Variants in DGCR8 observed in about 807,000 individuals in gnomAD.
The protein encoded by DGCR8 is DGCR8 microprocessor complex subunit.
In DGCR8, 14 loss-of-function variants were observed where a neutral mutation model predicts 78.5. That is an observed-to-expected ratio of 0.18 (90% CI 0.12 to 0.28). The LOEUF is 0.28. Ranked by LOEUF, DGCR8 falls within the 10% of genes least tolerant of loss-of-function variation. DGCR8 has a pLI of 1.00. For synonymous variants in DGCR8, 399 were observed against 402.4 expected (o/e 0.99, Z 0.10); for missense variants, 702 against 1,022.5 (o/e 0.69, Z 4.28).
Position 20,085,995 on chromosome 22 carries a change from C to T in DGCR8, c.32C>T (p.Pro11Leu), listed in dbSNP as rs61746264. 3.3e-4 allele frequency: 530 copies of T among 1,606,654 alleles called. No individual in the cohort carries two copies. The highest frequency in any genetic ancestry group is 4.3e-4 in the Non-Finnish European group (508 of 1,175,844). ...ACAGATGAGAGCCCCTCTCCGCTCC[C>T]GTGTGGGCCCGCAGGAGAAGCGGTG... METDESPSPL[P>L]CGPAGEAVME... The change falls in exon 2 of 14, where the codon CCG becomes CTG. Residue 11 changes from proline (P) to leucine (L), a missense_variant. Physicochemically the swap from Pro to Leu is moderately conservative, Grantham distance 98 (BLOSUM62 -3). This residue lies in a region of DGCR8 where 356 missense variants were observed against 448.9 expected (regional missense o/e 0.79). Coordinates refer to ENST00000351989, the MANE Select transcript of DGCR8 (RefSeq NM_022720.7). This position sits in a 1 kb window ranked among gnomAD's most constrained non-coding sequence, Gnocchi z 6.2.
intron 1 of DGCR8, among the ~76,000 whole-genome samples, chr22:20,083,382 A>T (rs1205184744): frequency 7.0e-6 from 1 of 142,630 alleles, no homozygotes; most frequent in African/African-American, 2.5e-5. Context: ...TGTGTGTGTG[A>T]TGAATGGAGA....
Position 20,110,820 on chromosome 22 carries a change from C to T in DGCR8, c.*712C>T, listed in dbSNP as rs2147946683. 1 of 186,588 alleles carries T rather than the reference C, an allele frequency of 5.4e-6. No individual in the cohort carries two copies. The highest frequency in any genetic ancestry group is 2.2e-3 in the Middle Eastern group (1 of 460). The allele number at this position is 186,588 out of a possible 1,614,324, so 11.6% of individuals were successfully genotyped here. ...CCCTGGCCTCCTAGGGTCCCTTTTTCTGATGAAGTCTTAATTCCCTAAAAG... is the reference window on the plus strand; with the variant it reads ...CCCTGGCCTCCTAGGGTCCCTTTTTTTGATGAAGTCTTAATTCCCTAAAAG... On this transcript the variant is annotated 3_prime_UTR_variant, in exon 14 of 14. Coordinates refer to ENST00000351989, the MANE Select transcript of DGCR8 (RefSeq NM_022720.7).
At chr22:20,107,543 G>T (rs1602497925) in intron 12 of DGCR8, 145 bp downstream of exon 12, 1 of 953,216 alleles carries the variant, frequency 1.0e-6, no homozygotes, top group Non-Finnish European at 1.6e-6. Flanking sequence ...GTGTGGCTTT[G>T]TGGGCAGGGG....
chr22:20,087,419 G>A lies in DGCR8; in HGVS notation c.880+98G>A, dbSNP rs2049499756. On this transcript the variant is annotated intron_variant, in intron 3 of 13. Coordinates refer to ENST00000351989, the MANE Select transcript of DGCR8 (RefSeq NM_022720.7). The surrounding 1 kb of genome is among the most constrained non-coding windows in gnomAD (Gnocchi z 4.1). ...TTTGAGAGAGCTCTGGTGCCAGGTA[G>A]TGGGCTGGGTGGAGGCATGTTTGAG... 2 of 1,380,226 alleles carry A rather than the reference G, an allele frequency of 1.4e-6. No individual in the cohort carries two copies. The highest frequency in any genetic ancestry group is 2.0e-6 in the Non-Finnish European group (2 of 1,021,706). The allele number at this position is 1,380,226 out of a possible 1,614,324, so 85.5% of individuals were successfully genotyped here.
chr22:20,101,127 G>T (rs1276507627), intron 9 of DGCR8: 8 of 895,534 alleles, frequency 8.9e-6, no homozygotes, highest in South Asian at 5.1e-5. Flanking sequence ...AATCACAAAA[G>T]ACAAACCTAG....
chr22:20,107,500 G>C (rs2147941932), intron 12 of DGCR8, 102 bp downstream of exon 12: 1 of 1,441,068 alleles, frequency 6.9e-7, no homozygotes, highest in African/African-American at 1.4e-5. Context: ...CAGCTCTGCT[G>C]TTGCTCACAG....
chr22:20,110,287 C>A lies in DGCR8; in HGVS notation c.*179C>A. 1.7e-6 allele frequency: 1 copy of A among 604,668 alleles called. No homozygotes were observed. The highest frequency in any genetic ancestry group is 2.9e-6 in the Non-Finnish European group (1 of 347,044). The allele number at this position is 604,668 out of a possible 1,614,324, so 37.5% of individuals were successfully genotyped here. ...TACAGGGACAGCCATGGCCACACAG[C>A]ACACATGTGGAGCAGCGGCTCTCCC... On this transcript the variant is annotated 3_prime_UTR_variant, in exon 14 of 14. Coordinates refer to ENST00000351989, the MANE Select transcript of DGCR8 (RefSeq NM_022720.7).
intron 1 of DGCR8, among the ~76,000 whole-genome samples, chr22:20,083,499 C>T (rs2147912235): frequency 6.6e-6 from 1 of 152,130 alleles, no homozygotes; most frequent in African/African-American, 2.4e-5. Flanking sequence ...TTGTAAGGCA[C>T]CAGGCTTTCC....
At chr22:20,080,948 T>C (rs1474428604) in intron 1 of DGCR8, among the ~76,000 whole-genome samples, 1 of 152,240 alleles carries the variant, frequency 6.6e-6, no homozygotes, top group Non-Finnish European at 1.5e-5. Flanking sequence ...TTTTGCATGC[T>C]TGCATGTACC....
chr22:20,110,166 C>T lies in DGCR8; in HGVS notation c.*58C>T. 1 of 1,540,784 alleles carries T rather than the reference C, an allele frequency of 6.5e-7. No homozygotes were observed. The highest frequency in any genetic ancestry group is 8.9e-7 in the Non-Finnish European group (1 of 1,127,652). ...CCAGCCGCACTTCTGAGGAGACCAG[C>T]AGTCATGCATCGTGCACCACAGTGT... On this transcript the variant is annotated 3_prime_UTR_variant, in exon 14 of 14. Coordinates refer to ENST00000351989, the MANE Select transcript of DGCR8 (RefSeq NM_022720.7).
At chr22:20,084,565 C>T (rs1351895988) in intron 1 of DGCR8, among the ~76,000 whole-genome samples, 2 of 152,212 alleles carry the variant, frequency 1.3e-5, no homozygotes, top group African/African-American at 2.4e-5. Context: ...CTCCTCAGTG[C>T]GTCCTGGCCT....
chr22:20,086,944 T>TA lies in DGCR8; in HGVS notation c.721-217dup, dbSNP rs2049492263. On this transcript the variant is annotated intron_variant, in intron 2 of 13. Transcript: ENST00000351989. This position sits in a 1 kb window ranked among gnomAD's most constrained non-coding sequence, Gnocchi z 6.4. ...CGTGGGGCAGCAGGTGCTGCTGAGT[T>TA]ACGCTCCTTGGCAGTGTGTGCCCCT... The TA allele has an allele frequency of 4.0e-6, 3 of 745,128 alleles. No homozygotes were observed. In the South Asian group the frequency reaches 5.8e-5, roughly 14 times the overall value. The allele number at this position is 745,128 out of a possible 1,614,324, so 46.2% of individuals were successfully genotyped here. A position where few individuals can be genotyped will look rare whatever the true frequency, so the allele number is the denominator to read the frequency against.
Position 20,110,929 on chromosome 22 carries a change from A to G in DGCR8, c.*821A>G, listed in dbSNP as rs573924110. ...ACAAAGATTTTTTGCAGTCGAGTCC[A>G]TATGTCCACCCATTGATTTTTAAAG... On this transcript the variant is annotated 3_prime_UTR_variant, in exon 14 of 14. Coordinates refer to ENST00000351989, the MANE Select transcript of DGCR8 (RefSeq NM_022720.7). 16 of 368,590 alleles carry G rather than the reference A, an allele frequency of 4.3e-5. No individual in the cohort carries two copies. The highest frequency in any genetic ancestry group is 1.5e-4 in the African/African-American group (7 of 48,194). The allele number at this position is 368,590 out of a possible 1,614,324, so 22.8% of individuals were successfully genotyped here.
chr22:20,091,420 G>A lies in DGCR8; in HGVS notation c.1307-15G>A, dbSNP rs538156782. The A allele has an allele frequency of 2.5e-6, 4 of 1,613,722 alleles. No homozygotes were observed. Among genetic ancestry groups the A allele is most frequent in the South Asian group, 2.2e-5 (2 of 91,072 alleles). ...GGAAGTTAAGTAATTTGTTTCTCTG[G>A]TAAATCTGGGACAGATCTCGAGGAA... is the stretch of plus-strand genomic sequence containing the variant. On this transcript the variant is annotated splice_polypyrimidine_tract_variant and intron_variant, in intron 5 of 13. Transcript: ENST00000351989.
At position 20,107,805 on chromosome 22, in the gene DGCR8, C is replaced by T. The variant is rs369747924; in HGVS notation, c.2124+407C>T. ...GGGTAGCTCTCCCTGGTACCAGTGC[C>T]GGTCCATCTCTAACAGAAGAGCATA... On this transcript the variant is annotated intron_variant, in intron 12 of 13. Transcript: ENST00000351989. 2.3e-4 allele frequency: 54 copies of T among 237,164 alleles called. 1 individual carries two copies. Among genetic ancestry groups the T allele is most frequent in the African/African-American group, 1.1e-3 (49 of 45,262 alleles). 14.7% of individuals were successfully genotyped at this position (237,164 alleles called of 1,614,324 possible). A position where few individuals can be genotyped will look rare whatever the true frequency, so the allele number is the denominator to read the frequency against.
In DGCR8 at chr22:20,098,566, C is replaced by T. The variant is rs75672280; in HGVS notation, c.1788+3771C>T. Among the ~76,000 whole-genome samples the T allele has an allele frequency of 3.1e-3, 475 of 152,300 alleles. 3 individuals carry two copies. Among genetic ancestry groups the T allele is most frequent in the Non-Finnish European group, 4.4e-3 (299 of 68,026 alleles). ...AGTTTTTGTCATATGTCCTTGCTCT[C>T]TATTTGTGACTGTATCAGTTTGCTA... On this transcript the variant is annotated intron_variant, in intron 9 of 13. Coordinates refer to ENST00000351989, the MANE Select transcript of DGCR8 (RefSeq NM_022720.7).
intron 9 of DGCR8, chr22:20,100,320 C>A: frequency 1.0e-6 from 1 of 976,682 alleles, no homozygotes; most frequent in Non-Finnish European, 1.2e-6. Context: ...CCGTCTTGGC[C>A]TCCCAAAGTG....
chr22:20,088,777 T>C (rs1177613202), intron 3 of DGCR8, among the ~76,000 whole-genome samples: 1 of 152,166 alleles, frequency 6.6e-6, no homozygotes, highest in East Asian at 1.9e-4. Flanking sequence ...GTATATTTTT[T>C]AAGGTTTCAT....
Position 20,106,711 on chromosome 22 carries a change from T to C in DGCR8, c.1996+13T>C, listed in dbSNP as rs757886252. The C allele has an allele frequency of 1.9e-6, 3 of 1,595,982 alleles. No homozygotes were observed. Among genetic ancestry groups the C allele is most frequent in the South Asian group, 1.1e-5 (1 of 90,596 alleles). Reference sequence around the variant, plus strand: ...GTGCGCGGGTGGTGTAAGGACTCCTTCTCTGCTGCCTGGTGGCCGCTGGGC... The same window carrying C: ...GTGCGCGGGTGGTGTAAGGACTCCTCCTCTGCTGCCTGGTGGCCGCTGGGC... On this transcript the variant is annotated intron_variant, in intron 11 of 13. Coordinates refer to ENST00000351989, the MANE Select transcript of DGCR8 (RefSeq NM_022720.7).
Sources: gnomAD v4.1 joint callset for allele counts (sites outside exome capture counted in the v4.1 genomes callset) on GRCh38, gnomAD v4.1.1 for gene constraint, gnomAD v4.1.1 regional missense constraint, Gnocchi (gnomAD v3.1) non-coding constraint, MANE v1.5 for transcripts, NCBI Gene and HGNC (gene_info 2026-07-23, HGNC 2026-07-21) for gene names.